The following GADL1 variants were observed in gnomAD, a reference collection of about 807,000 sequenced individuals.
GADL1 encodes the protein acidic amino acid decarboxylase GADL1.
Under a neutral mutation model 69.5 loss-of-function variants are expected in GADL1, and 71 were observed. That is an observed-to-expected ratio of 1.02 (90% CI 0.84 to 1.25). The LOEUF is 1.25. Among genes scored for constraint, GADL1 ranks in the 50% most tolerant of loss-of-function variants. GADL1 has a pLI of 0.00. For synonymous variants in GADL1, 254 were observed against 214.4 expected (o/e 1.18, Z -1.62); for missense variants, 737 against 631.8 (o/e 1.17, Z -1.79).
At chr3:30,755,381 GT>G (rs1695944006) in intron 14 of GADL1, among the ~76,000 whole-genome samples, 6 of 51,594 alleles carry the variant, frequency 1.2e-4, no homozygotes, top group Non-Finnish European at 1.5e-4. Context: ...TAAAAAACTT[GT>G]TTTTCTATGT....
At chr3:30,883,218 T>C (rs1698664325) in intron 1 of GADL1, among the ~76,000 whole-genome samples, 1 of 151,978 alleles carries the variant, frequency 6.6e-6, no homozygotes, top group African/African-American at 2.4e-5. Context: ...CAATAAATCA[T>C]TGCCAAATCC....
At chr3:30,831,239 G>C (rs148964881) in intron 11 of GADL1, among the ~76,000 whole-genome samples, 2 of 151,918 alleles carry the variant, frequency 1.3e-5, no homozygotes, top group Admixed American at 6.6e-5. Context: ...TAATCCTTTA[G>C]TCTCATATTA....
At chr3:30,777,263 G>C (rs574237215) in intron 14 of GADL1, among the ~76,000 whole-genome samples, 2 of 151,724 alleles carry the variant, frequency 1.3e-5, no homozygotes, top group Non-Finnish European at 2.9e-5. Flanking sequence ...AAAAAAAAAC[G>C]TTTTCCCCCT....
intron 14 of GADL1, among the ~76,000 whole-genome samples, chr3:30,767,416 CAG>C (rs63665660): frequency 0.68 from 103,561 of 151,804 alleles, 35,877 homozygotes; most frequent in Non-Finnish European, 0.74. Context: ...GGCACAAAAA[CAG>C]AAACGCAGAT....
chr3:30,806,019 G>A (rs1697248183), intron 11 of GADL1, among the ~76,000 whole-genome samples: 1 of 151,958 alleles, frequency 6.6e-6, no homozygotes, highest in Non-Finnish European at 1.5e-5. Flanking sequence ...CCTGCTGTGT[G>A]GCCCGGTTCC....
intron 1 of GADL1, among the ~76,000 whole-genome samples, chr3:30,864,702 C>G (rs540738950): frequency 6.6e-6 from 1 of 152,046 alleles, no homozygotes; most frequent in African/African-American, 2.4e-5. Context: ...GAAGGATATT[C>G]AGAATTTTCA....
intron 1 of GADL1, among the ~76,000 whole-genome samples, chr3:30,877,321 CAT>C (rs1698591230): frequency 6.6e-6 from 1 of 151,890 alleles, no homozygotes; most frequent in Admixed American, 6.6e-5. Flanking sequence ...GCTAAGCTGA[CAT>C]ATTGTATTGA....
At chr3:30,763,120 G>A (rs1696181935) in intron 14 of GADL1, among the ~76,000 whole-genome samples, 1 of 152,088 alleles carries the variant, frequency 6.6e-6, no homozygotes, top group Non-Finnish European at 1.5e-5. Flanking sequence ...AAAGTCATGT[G>A]TCAAGTAGAA....
intron 14 of GADL1, among the ~76,000 whole-genome samples, chr3:30,745,347 A>T: frequency 6.6e-6 from 1 of 152,232 alleles, no homozygotes; most frequent in East Asian, 1.9e-4. Context: ...ATATGTCATG[A>T]TTTACATGTC....
intron 11 of GADL1, among the ~76,000 whole-genome samples, chr3:30,831,981 C>T (rs557382748): frequency 1.1e-4 from 17 of 151,620 alleles, no homozygotes; most frequent in African/African-American, 3.9e-4. Flanking sequence ...ATATGTCTGT[C>T]TGATTCAATG....
intron 14 of GADL1, among the ~76,000 whole-genome samples, chr3:30,752,437 C>T (rs959001431): frequency 2.0e-5 from 3 of 148,428 alleles, no homozygotes; most frequent in Non-Finnish European, 2.9e-5. Flanking sequence ...GGAGTCTGTG[C>T]CGCAGCCAGT....
intron 12 of GADL1, among the ~76,000 whole-genome samples, chr3:30,792,731 T>C (rs2125502728): frequency 6.6e-6 from 1 of 152,306 alleles, no homozygotes; most frequent in Middle Eastern, 3.4e-3. Context: ...TACAGCTCCA[T>C]ATGTCCCATC....
intron 11 of GADL1, among the ~76,000 whole-genome samples, chr3:30,801,951 A>C (rs1010791886): frequency 6.6e-6 from 1 of 152,130 alleles, no homozygotes; most frequent in Admixed American, 6.5e-5. Flanking sequence ...TGTCTCATCT[A>C]TGTCTTGTCT....
At chr3:30,855,594 G>T (rs942335955) in intron 3 of GADL1, among the ~76,000 whole-genome samples, 1 of 151,806 alleles carries the variant, frequency 6.6e-6, no homozygotes, top group Admixed American at 6.6e-5. Flanking sequence ...ACAATGGCTT[G>T]TTCCAATTTT....
intron 12 of GADL1, among the ~76,000 whole-genome samples, chr3:30,789,274 G>A (rs556099953): frequency 5.3e-5 from 8 of 152,158 alleles, no homozygotes; most frequent in South Asian, 2.1e-4. Flanking sequence ...TACTAGGTGC[G>A]TTGTCAATGA....
intron 1 of GADL1, among the ~76,000 whole-genome samples, chr3:30,872,762 T>C (rs1199382989): frequency 6.6e-6 from 1 of 151,936 alleles, no homozygotes; most frequent in African/African-American, 2.4e-5. Flanking sequence ...ATACTCTCAA[T>C]AAACTCCCCC....
At chr3:30,733,616 C>CCTTT (rs772645004) in intron 14 of GADL1, among the ~76,000 whole-genome samples, 43 of 150,894 alleles carry the variant, frequency 2.8e-4, no homozygotes, top group Non-Finnish European at 5.9e-4. Flanking sequence ...TTCCTTCCTT[C>CCTTT]CTTCCTTCCT....
At chr3:30,876,551 A>G (rs146218978) in intron 1 of GADL1, among the ~76,000 whole-genome samples, 1 of 152,094 alleles carries the variant, frequency 6.6e-6, no homozygotes, top group East Asian at 1.9e-4. Context: ...CAAGAAAACA[A>G]AAGTTCATCA....
Position 30,800,940 on chromosome 3 carries a change from A to AG in GADL1, c.1198dup (p.Leu400ProfsTer7). 1 of 1,613,648 alleles carries AG rather than the reference A, an allele frequency of 6.2e-7. No homozygotes were observed. On this transcript the variant is annotated frameshift_variant, in exon 12 of 15. Transcript: ENST00000282538. LOFTEE classifies it high-confidence loss of function. ...TCTTTCTTCAAGGCCTAATGTACCC[A>AG]GGGCCTTCCAGGTCATCCAGAACTT...
Sources: allele counts gnomAD v4.1 joint callset (sites outside exome capture counted in the v4.1 genomes callset), GRCh38; gene constraint gnomAD v4.1.1; transcripts MANE v1.5; gene names NCBI Gene and HGNC (gene_info 2026-07-23, HGNC 2026-07-21).